Variants in ZNF438 observed in about 807,000 individuals in gnomAD.
ZNF438 encodes zinc finger protein 438.
A neutral mutation model predicts 38.0 loss-of-function variants in ZNF438; 25 were observed. That is an observed-to-expected ratio of 0.66 (90% CI 0.48 to 0.92). ZNF438 has a LOEUF of 0.92. ZNF438 is among the 40% of genes least tolerant of loss of function. The pLI is 0.00. For missense variants in ZNF438, 1,007 were observed against 999.6 expected (o/e 1.01, Z -0.10); for synonymous variants, 372 against 364.1 (o/e 1.02, Z -0.25).
At chr10:30,963,708 C>T (rs1039471741) in intron 1 of ZNF438, among the ~76,000 whole-genome samples, 19 of 152,064 alleles carry the variant, frequency 1.2e-4, no homozygotes, top group African/African-American at 2.2e-4. Context: ...GGTGAAACTC[C>T]GTCTCTACTA....
intron 2 of ZNF438, among the ~76,000 whole-genome samples, chr10:30,936,700 G>C (rs542595466): frequency 7.7e-4 from 117 of 152,256 alleles, no homozygotes; most frequent in African/African-American, 2.6e-3. Flanking sequence ...ATAGGATGTG[G>C]AGATATTAAT....
intron 3 of ZNF438, among the ~76,000 whole-genome samples, chr10:30,890,672 T>C (rs562156668): frequency 6.6e-6 from 1 of 152,362 alleles, no homozygotes; most frequent in South Asian, 2.1e-4. Context: ...CATTTTTACT[T>C]TGCAATCTAA....
At chr10:31,006,007 C>T (rs930446046) in intron 1 of ZNF438, among the ~76,000 whole-genome samples, 1 of 152,180 alleles carries the variant, frequency 6.6e-6, no homozygotes, top group African/African-American at 2.4e-5. Context: ...CAGAATATTG[C>T]CTCCCTCAAA....
At chr10:30,896,435 CA>C (rs1414304105) in intron 3 of ZNF438, among the ~76,000 whole-genome samples, 1 of 151,686 alleles carries the variant, frequency 6.6e-6, no homozygotes, top group African/African-American at 2.4e-5. Flanking sequence ...GATGGATCAA[CA>C]AAATGTGATA....
chr10:30,938,771 A>G (rs2046517920), intron 2 of ZNF438, among the ~76,000 whole-genome samples: 1 of 138,782 alleles, frequency 7.2e-6, no homozygotes, highest in Non-Finnish European at 1.6e-5. Flanking sequence ...TTCCCAGGGA[A>G]GCAAACTTTA....
intron 3 of ZNF438, among the ~76,000 whole-genome samples, chr10:30,893,402 C>G (rs1257138488): frequency 6.6e-6 from 1 of 152,130 alleles, no homozygotes; most frequent in Non-Finnish European, 1.5e-5. Context: ...CCCAACATCA[C>G]CAAAAGGAAG....
At chr10:30,993,016 G>C (rs539543990) in intron 1 of ZNF438, among the ~76,000 whole-genome samples, 1 of 152,274 alleles carries the variant, frequency 6.6e-6, no homozygotes, top group East Asian at 1.9e-4. Flanking sequence ...TGAGATTTGG[G>C]AGCAAAGGGA....
At position 31,006,859 on chromosome 10, in the gene ZNF438, T is replaced by C. The variant is rs567442084; in HGVS notation, c.-192+24974A>G. ...TGGCTAATAGAAAAAAAAAAACCAT[T>C]TTGAGTGTGTTTTTTCCACTCATTT... On this transcript the variant is annotated intron_variant, in intron 1 of 5. Coordinates refer to ENST00000413025, the Ensembl canonical transcript of ZNF438. Among the ~76,000 whole-genome samples the C allele has an allele frequency of 1.2e-4, 18 of 152,148 alleles. No individual in the cohort carries two copies. The South Asian group carries it at 3.7e-3, about 32-fold the overall frequency.
intron 4 of ZNF438, among the ~76,000 whole-genome samples, chr10:30,870,396 G>A (rs1423118286): frequency 2.0e-5 from 3 of 150,408 alleles, no homozygotes; most frequent in Non-Finnish European, 2.9e-5. Context: ...CTGTAAACAC[G>A]CATCCTTTTT....
At chr10:30,949,579 A>C (rs2047906272) in intron 1 of ZNF438, among the ~76,000 whole-genome samples, 1 of 152,350 alleles carries the variant, frequency 6.6e-6, no homozygotes, top group African/African-American at 2.4e-5. Flanking sequence ...ATGGAAAACA[A>C]AAAAAGGCAG....
intron 1 of ZNF438, among the ~76,000 whole-genome samples, chr10:31,016,626 T>C (rs569930477): frequency 6.6e-6 from 1 of 152,182 alleles, no homozygotes; most frequent in Non-Finnish European, 1.5e-5. Context: ...CTCAGGTGCA[T>C]GATTGAAGCT....
intron 3 of ZNF438, among the ~76,000 whole-genome samples, chr10:30,897,400 A>C (rs1231075898): frequency 6.6e-6 from 1 of 152,204 alleles, no homozygotes; most frequent in Non-Finnish European, 1.5e-5. Flanking sequence ...AGGGAGTTTC[A>C]GGTAATCTTG....
At chr10:30,998,313 G>A (rs535576652) in intron 1 of ZNF438, among the ~76,000 whole-genome samples, 2 of 151,920 alleles carry the variant, frequency 1.3e-5, no homozygotes, top group South Asian at 4.2e-4. Context: ...GGCCGAGGCG[G>A]GTGGATCATG....
At chr10:31,028,491 A>G (rs2057081447) in intron 1 of ZNF438, among the ~76,000 whole-genome samples, 1 of 152,220 alleles carries the variant, frequency 6.6e-6, no homozygotes, top group Non-Finnish European at 1.5e-5. Flanking sequence ...TTTTGTTGAA[A>G]AGGACTCTTG....
At chr10:31,003,155 G>A (rs190377921) in intron 1 of ZNF438, among the ~76,000 whole-genome samples, 153 of 152,226 alleles carry the variant, frequency 1.0e-3, no homozygotes, top group Non-Finnish European at 7.4e-5. Flanking sequence ...GAGATGTGTA[G>A]GGCAATCTTG....
chr10:30,982,384 A>T (rs1186972425), intron 1 of ZNF438, among the ~76,000 whole-genome samples: 1 of 152,150 alleles, frequency 6.6e-6, no homozygotes, highest in Admixed American at 6.6e-5. Flanking sequence ...TATAGGCATC[A>T]GCCACCGCGC....
chr10:30,990,626 T>C (rs888088291), intron 1 of ZNF438, among the ~76,000 whole-genome samples: 39 of 152,356 alleles, frequency 2.6e-4, no homozygotes, highest in African/African-American at 9.4e-4. Flanking sequence ...AATCTGAGTC[T>C]GATCCAGTTC....
chr10:30,854,652 T>A (rs78543373), intron 4 of ZNF438, among the ~76,000 whole-genome samples: 1 of 152,140 alleles, frequency 6.6e-6, no homozygotes, highest in African/African-American at 2.4e-5. Flanking sequence ...ATTGCCAGAA[T>A]AAGGAGCTAA....
chr10:30,976,924 CA>C (rs994184950), intron 1 of ZNF438, among the ~76,000 whole-genome samples: 1 of 151,716 alleles, frequency 6.6e-6, no homozygotes, highest in Admixed American at 6.6e-5. Context: ...AGAGATCAGA[CA>C]AAAAAATAAT....
Sources: gnomAD v4.1 joint callset for allele counts (sites outside exome capture counted in the v4.1 genomes callset) on GRCh38, gnomAD v4.1.1 for gene constraint, MANE v1.5 for transcripts, NCBI Gene and HGNC (gene_info 2026-07-23, HGNC 2026-07-21) for gene names.